Variants in TSC2 observed in about 807,000 individuals in gnomAD.
TSC2 encodes the protein TSC complex subunit 2, also known as tuberin.
Under a neutral mutation model 202.2 loss-of-function variants are expected in TSC2, and 29 were observed. The observed-to-expected ratio is 0.14, with a 90% CI of 0.11 to 0.20. The LOEUF (loss-of-function observed/expected upper bound fraction) is 0.20. TSC2 is among the 10% of genes least tolerant of loss of function. TSC2 has a pLI of 1.00. For synonymous variants in TSC2, 1,349 were observed against 1,044.0 expected (o/e 1.29, Z -5.63); for missense variants, 2,429 against 2,420.0 (o/e 1.00, Z -0.08).
Position 2,089,424 on chromosome 16 carries a change from T to TG in TSC2, c.*818dup, listed in dbSNP as rs1314572263. On this transcript the variant is annotated 3_prime_UTR_variant, in exon 42 of 42. Transcript: ENST00000219476. ...CAGTGGGGGACATCTGCCCAGGGGGTGGGGCCGGGCACAGCCCGCTGTACC... is the reference window on the plus strand; with the variant it reads ...CAGTGGGGGACATCTGCCCAGGGGGTGGGGGCCGGGCACAGCCCGCTGTACC... 2.1e-6 allele frequency: 1 copy of TG among 467,208 alleles called. No homozygotes were observed. The highest frequency in any genetic ancestry group is 3.9e-6 in the Non-Finnish European group (1 of 257,534). 28.9% of individuals were successfully genotyped at this position (467,208 alleles called of 1,614,324 possible).
At chr16:2,070,603 C>T in intron 17 of TSC2, 25 bp downstream of exon 17, 1 of 1,612,818 alleles carries the variant, frequency 6.2e-7, no homozygotes, top group Non-Finnish European at 8.5e-7. Context: ...GTTGCGCAGC[C>T]AGTTCCTGGG....
At chr16:2,062,724 C>G (rs1323094230) in intron 13 of TSC2, 124 bp downstream of exon 13, 2 of 1,147,980 alleles carry the variant, frequency 1.7e-6, no homozygotes, top group African/African-American at 3.1e-5. Context: ...TCTGGAGAGC[C>G]CTGGCTCTGG....
intron 3 of TSC2, among the ~76,000 whole-genome samples, chr16:2,050,896 T>TGCAGCCTCTGCCTCCTGGGTTCAAGCA (rs2085027727): frequency 6.6e-6 from 1 of 152,108 alleles, no homozygotes; most frequent in South Asian, 2.1e-4. Context: ...CAGTTTGCAC[T>TGCAGCCTCTGCCTCCTGGGTTCAAGCA]GTTTTAGGGG....
In TSC2 at chr16:2,050,403, C is replaced by G. The variant is rs1486839704; in HGVS notation, c.142C>G (p.Leu48Val). Residue 48 changes from leucine to valine, a missense_variant, in exon 3 of 42, where the codon CTG (leucine) becomes GTG (valine). By Grantham distance (32) the Leu-to-Val change is conservative (BLOSUM62 1). Coordinates refer to ENST00000219476, the MANE Select transcript of TSC2 (RefSeq NM_000548.5). ...TTCTTCTTTCATCTCTCTCCAGGAA[C>G]TGAGCATGGAATGTGGCCTCAACAA... Reference protein sequence around the residue: ...FIITAEILRELSMECGLNNRI... With the variant: ...FIITAEILREVSMECGLNNRI... The G allele has an allele frequency of 2.5e-6, 4 of 1,613,882 alleles. No homozygotes were observed. Among genetic ancestry groups the G allele is most frequent in the Non-Finnish European group, 2.5e-6 (3 of 1,179,916 alleles).
At chr16:2,076,689 C>G in intron 25 of TSC2, 104 bp downstream of exon 25, 1 of 1,167,888 alleles carries the variant, frequency 8.6e-7, no homozygotes, top group Non-Finnish European at 1.2e-6. Flanking sequence ...GAAATGGGTC[C>G]TGTGTGCCCT....
intron 12 of TSC2, 111 bp downstream of exon 12, chr16:2,062,119 C>G: frequency 2.7e-6 from 4 of 1,504,460 alleles, no homozygotes; most frequent in Non-Finnish European, 3.6e-6. Context: ...AGGTGGGCGC[C>G]TGCTTTCCAG....
At position 2,068,958 on chromosome 16, in the gene TSC2, A is replaced by G. The variant is rs541468878; in HGVS notation, c.1717-1498A>G. Among the ~76,000 whole-genome samples, 18 of 151,534 alleles carry G rather than the reference A, an allele frequency of 1.2e-4. No homozygotes were observed. In the South Asian group the frequency reaches 1.7e-3, roughly 14 times the overall value. On this transcript the variant is annotated intron_variant, in intron 16 of 41. Coordinates refer to ENST00000219476, the MANE Select transcript of TSC2 (RefSeq NM_000548.5). ...GAAGTGGCTCATCACCAAGGTCTTC[A>G]TTGTTGTCATCCTCATGTTGAGGGG...
Position 2,048,016 on chromosome 16 carries a change from G to T in TSC2, c.-79G>T, listed in dbSNP as rs560939171. 64 of 1,465,454 alleles carry T rather than the reference G, an allele frequency of 4.4e-5. No homozygotes were observed. The Admixed American group carries it at 5.5e-4, about 13-fold the overall frequency. The allele number at this position is 1,465,454 out of a possible 1,614,324, so 90.8% of individuals were successfully genotyped here. On this transcript the variant is annotated 5_prime_UTR_variant, in exon 1 of 42. Transcript: ENST00000219476. ...GGCGGCGTCCCGGGGCCAGGGGGGT[G>T]CGCCTTTCTCCGCGTCGGGGCGGCC...
At chr16:2,082,706 C>T in intron 32 of TSC2, 1 of 658,706 alleles carries the variant, frequency 1.5e-6, no homozygotes, top group Non-Finnish European at 2.7e-6. Flanking sequence ...CCCTTTGTGG[C>T]TGAGCCCTGT....
rs200623674 is a variant in TSC2 at position 2,088,406 on chromosome 16, C to T, written c.5260-40C>T. The T allele has an allele frequency of 9.4e-5, 151 of 1,612,510 alleles. No individual in the cohort carries two copies. In the African/African-American group the frequency reaches 1.2e-3, roughly 13 times the overall value. On this transcript the variant is annotated intron_variant, in intron 41 of 41. Coordinates refer to ENST00000219476, the MANE Select transcript of TSC2 (RefSeq NM_000548.5). ...GGGTGTGTGGGCAGAGCGGTTGCCA[C>T]GCCTCCCAGACTTACTGCCCAAGCC...
intron 17 of TSC2, among the ~76,000 whole-genome samples, chr16:2,070,885 G>A (rs2088220917): frequency 6.6e-6 from 1 of 152,234 alleles, no homozygotes. Flanking sequence ...CAGAATCTGT[G>A]AAGGACCTGC....
intron 5 of TSC2, chr16:2,054,882 GAA>G (rs1190844893): frequency 1.8e-5 from 6 of 330,136 alleles, no homozygotes; most frequent in African/African-American, 1.1e-4. Context: ...GGGAAGTAGA[GAA>G]AGAGGAGGAA....
At chr16:2,074,908 A>G (rs548269742) in intron 22 of TSC2, 35 of 220,332 alleles carry the variant, frequency 1.6e-4, no homozygotes, top group African/African-American at 7.9e-4. Flanking sequence ...TGTTTTGTTG[A>G]TAACCCTTTA....
At chr16:2,080,515 G>T in intron 30 of TSC2, 138 bp downstream of exon 30, 3 of 1,010,466 alleles carry the variant, frequency 3.0e-6, no homozygotes, top group Non-Finnish European at 4.3e-6. Flanking sequence ...ACAGAGTCTT[G>T]CTCTGTGGCC....
rs1239613653 is a variant in TSC2 at position 2,084,098 on chromosome 16, A to G, written c.4006-130A>G. 9 of 1,499,716 alleles carry G rather than the reference A, an allele frequency of 6.0e-6. No homozygotes were observed. In the East Asian group the frequency reaches 2.2e-4, roughly 37 times the overall value. The allele number at this position is 1,499,716 out of a possible 1,614,324, so 92.9% of individuals were successfully genotyped here. A position where few individuals can be genotyped will look rare whatever the true frequency, so the allele number is the denominator to read the frequency against. On this transcript the variant is annotated intron_variant, in intron 33 of 41. Coordinates refer to ENST00000219476, the MANE Select transcript of TSC2 (RefSeq NM_000548.5). Reference sequence around the variant, plus strand: ...TGCTGCGTCAACGGGCGGGGGCCGTAGCCTGGTGCTCGGGCTGGTCTGTGG... The same window carrying G: ...TGCTGCGTCAACGGGCGGGGGCCGTGGCCTGGTGCTCGGGCTGGTCTGTGG...
At chr16:2,063,889 C>T (rs750877883) in intron 14 of TSC2, 7 of 373,744 alleles carry the variant, frequency 1.9e-5, no homozygotes, top group East Asian at 6.5e-5. Flanking sequence ...CAGGCACACA[C>T]GTGCACATGC....
intron 30 of TSC2, chr16:2,081,353 G>C (rs1237779294): frequency 3.4e-6 from 2 of 583,068 alleles, no homozygotes; most frequent in Non-Finnish European, 6.2e-6. Flanking sequence ...CGGACTGTGA[G>C]GCTGTGGGCT....
At chr16:2,083,292 A>C (rs1410901853) in intron 32 of TSC2, 2 of 458,532 alleles carry the variant, frequency 4.4e-6, no homozygotes, top group African/African-American at 4.0e-5. Context: ...GTTTGCAAAC[A>C]GGGACTTCCC....
chr16:2,078,724 C>T (rs2089735356), intron 26 of TSC2: 1 of 455,586 alleles, frequency 2.2e-6, no homozygotes, highest in Non-Finnish European at 4.1e-6. Context: ...TGCATGACTA[C>T]ACCGTTTCGC....
Sources: allele counts gnomAD v4.1 joint callset (sites outside exome capture counted in the v4.1 genomes callset), GRCh38; gene constraint gnomAD v4.1.1; transcripts MANE v1.5; gene names NCBI Gene and HGNC (gene_info 2026-07-23, HGNC 2026-07-21).